Variants in LMO7 observed in about 807,000 individuals in gnomAD.
LMO7 encodes the protein LIM domain only protein 7.
LMO7 carries 120 observed loss-of-function variants against 206.5 expected under a neutral mutation model. That is an observed-to-expected ratio of 0.58 (90% CI 0.50 to 0.68). The LOEUF (loss-of-function observed/expected upper bound fraction) is 0.68, where lower values mean the gene tolerates loss of function less well. LMO7 is among the 30% of genes least tolerant of loss of function. The pLI, the probability that LMO7 is intolerant of heterozygous loss-of-function variation, is 0.00. For missense variants in LMO7, 1,959 were observed against 1,957.9 expected, an observed-to-expected ratio of 1.00 and a Z score of -0.01; for synonymous variants, 706 against 681.5, an observed-to-expected ratio of 1.04 and a Z score of -0.56.
At chr13:75,811,005 T>C (rs2056319090) in intron 11 of LMO7, among the ~76,000 whole-genome samples, 1 of 152,182 alleles carries the variant, frequency 6.6e-6, no homozygotes, top group South Asian at 2.1e-4. Context: ...ACTACACAAA[T>C]AAAGCAAGAT....
chr13:75,746,163 G>T (rs2046822853), intron 3 of LMO7, among the ~76,000 whole-genome samples: 1 of 152,112 alleles, frequency 6.6e-6, no homozygotes, highest in Admixed American at 6.6e-5. Context: ...TGCACCAGTA[G>T]TTTATTGAGT....
chr13:75,814,294 T>C (rs1402088207), intron 11 of LMO7, among the ~76,000 whole-genome samples: 1 of 152,206 alleles, frequency 6.6e-6, no homozygotes, highest in Non-Finnish European at 1.5e-5. Context: ...ACCGTAGACA[T>C]TGAATGAGTA....
In LMO7 at chr13:75,800,772, C is replaced by T; in HGVS notation, c.551C>T (p.Ala184Val). The change falls in exon 7 of 31, where the codon GCT (alanine) becomes GTT (valine). Residue 184 changes from alanine (A) to valine (V), a missense_variant. By Grantham distance (64) the Ala-to-Val change is moderately conservative. Coordinates refer to ENST00000377534, the MANE Select transcript of LMO7 (RefSeq NM_001306080.2). Reference sequence around the variant, plus strand: ...TGTCCTGAACGTGGAGAATTTCTTGCTCCTCCAAGGCACCATAAGAGAGAA... The same window carrying T: ...TGTCCTGAACGTGGAGAATTTCTTGTTCCTCCAAGGCACCATAAGAGAGAA... ...IWCPERGEFLAPPRHHKREDS... is the reference protein window; with the variant it reads ...IWCPERGEFLVPPRHHKREDS... 1 of 1,614,132 alleles carries T rather than the reference C, an allele frequency of 6.2e-7. No homozygotes were observed.
intron 1 of LMO7, among the ~76,000 whole-genome samples, chr13:75,676,425 A>C (rs1192396496): frequency 6.6e-6 from 1 of 152,170 alleles, no homozygotes; most frequent in Non-Finnish European, 1.5e-5. Context: ...CGGCTCCTTT[A>C]CATTAATCTG....
At chr13:75,785,065 A>G (rs2052188425) in intron 4 of LMO7, among the ~76,000 whole-genome samples, 1 of 152,172 alleles carries the variant, frequency 6.6e-6, no homozygotes, top group African/African-American at 2.4e-5. Flanking sequence ...AAATTTTGTC[A>G]GAAAAAATGG....
chr13:75,788,452 C>CAAA (rs10638523), intron 4 of LMO7, among the ~76,000 whole-genome samples: 59 of 59,912 alleles, frequency 9.8e-4, no homozygotes, highest in African/African-American at 3.0e-3. Context: ...AACTCTGCCT[C>CAAA]AAAAAAAAAA....
intron 3 of LMO7, among the ~76,000 whole-genome samples, chr13:75,743,021 T>TA (rs1282332317): frequency 6.6e-6 from 1 of 151,660 alleles, no homozygotes; most frequent in Non-Finnish European, 1.5e-5. Context: ...TAAACAAATG[T>TA]ACAAGAAAAA....
intron 1 of LMO7, among the ~76,000 whole-genome samples, chr13:75,692,530 C>T (rs920703528): frequency 5.9e-5 from 9 of 152,108 alleles, no homozygotes; most frequent in Admixed American, 1.3e-4. Context: ...GCACCACAGG[C>T]GCACACCACC....
chr13:75,819,325 C>T (rs2057355532), intron 12 of LMO7, 68 bp from the exon 13 acceptor site: 2 of 1,480,982 alleles, frequency 1.4e-6, no homozygotes, highest in Non-Finnish European at 1.8e-6. Context: ...TACTCTGGCA[C>T]ATTCTGTCTG....
At chr13:75,621,283 G>A (rs1406470486) in exon 1 of LMO7, 1 of 152,320 alleles carries the variant, frequency 6.6e-6, no homozygotes, top group Admixed American at 6.5e-5. Context: ...CCATGCACAG[G>A]GGAACTGTGC....
At chr13:75,739,327 G>A (rs1594667144) in intron 3 of LMO7, among the ~76,000 whole-genome samples, 1 of 152,312 alleles carries the variant, frequency 6.6e-6, no homozygotes, top group East Asian at 1.9e-4. Flanking sequence ...TCACATTTGT[G>A]TAAAAAATAT....
intron 27 of LMO7, 77 bp from the exon 28 acceptor site, chr13:75,853,015 A>G (rs2060618225): frequency 1.6e-6 from 2 of 1,218,622 alleles, no homozygotes; most frequent in African/African-American, 1.5e-5. Flanking sequence ...TGGATTTTTA[A>G]TGAATGGAAT....
chr13:75,789,139 C>T (rs1324992641), intron 4 of LMO7: 4 of 152,218 alleles, frequency 2.6e-5, no homozygotes, highest in South Asian at 2.1e-4. Context: ...AATCTTCCCC[C>T]GGGGATTCTT....
intron 4 of LMO7, among the ~76,000 whole-genome samples, chr13:75,780,941 T>C (rs1258697504): frequency 2.6e-5 from 4 of 152,170 alleles, no homozygotes; most frequent in Non-Finnish European, 5.9e-5. Context: ...TTGGATTTGC[T>C]TTTATTAGTC....
At chr13:75,848,880 G>T in intron 26 of LMO7, 199 bp from the exon 27 acceptor site, 1 of 538,686 alleles carries the variant, frequency 1.9e-6, no homozygotes, top group Non-Finnish European at 3.3e-6. Context: ...CACCAGCAGC[G>T]TAGGAGTGCT....
intron 1 of LMO7, among the ~76,000 whole-genome samples, chr13:75,703,491 A>G (rs1433207871): frequency 6.6e-6 from 1 of 152,154 alleles, no homozygotes; most frequent in African/African-American, 2.4e-5. Context: ...AAGTCCAGTA[A>G]CCTTGTTGTA....
intron 1 of LMO7, among the ~76,000 whole-genome samples, chr13:75,711,696 G>A (rs558347105): frequency 4.6e-5 from 7 of 152,176 alleles, no homozygotes; most frequent in East Asian, 3.9e-4. Context: ...CGTCTTCTGC[G>A]TCGCTCACGC....
chr13:75,790,711 C>G (rs2053153201), intron 4 of LMO7, among the ~76,000 whole-genome samples: 1 of 152,164 alleles, frequency 6.6e-6, no homozygotes, highest in Non-Finnish European at 1.5e-5. Flanking sequence ...CATGAGTCCA[C>G]TTGAGAGCTT....
At chr13:75,684,507 A>T (rs1425504991) in intron 1 of LMO7, among the ~76,000 whole-genome samples, 1 of 149,460 alleles carries the variant, frequency 6.7e-6, no homozygotes, top group Non-Finnish European at 1.5e-5. Flanking sequence ...GGCCTCCCAA[A>T]GTGCTGGGAT....
Sources: allele counts gnomAD v4.1 joint callset (sites outside exome capture counted in the v4.1 genomes callset), GRCh38; gene constraint gnomAD v4.1.1; transcripts MANE v1.5; gene names NCBI Gene and HGNC (gene_info 2026-07-23, HGNC 2026-07-21).